CD34: variants seen among roughly 807,000 people sequenced by gnomAD.
CD34 encodes the protein hematopoietic progenitor cell antigen CD34.
A neutral mutation model predicts 40.1 loss-of-function variants in CD34; 34 were observed. That is an observed-to-expected ratio of 0.85 (90% confidence interval 0.65 to 1.13). CD34 has a LOEUF of 1.13. Among genes scored for constraint, CD34 ranks in the 50% most tolerant of loss-of-function variants. The pLI is 0.00. For synonymous variants in CD34, 209 were observed against 190.0 expected, an observed-to-expected ratio of 1.10 and a Z score of -0.82; for missense variants, 426 against 466.9, an observed-to-expected ratio of 0.91 and a Z score of 0.81.
At position 207,881,752 on chromosome 1, in the gene CD34, C is replaced by A. The variant is rs952400388; in HGVS notation, c.*5986G>T. ...AGTCTAAAACAATGACACTCTTTTTCCTAATTGTTTTTGTTTTGGAAAATA... is the reference window on the plus strand; with the variant it reads ...AGTCTAAAACAATGACACTCTTTTTACTAATTGTTTTTGTTTTGGAAAATA... On this transcript the variant is annotated 3_prime_UTR_variant, in exon 8 of 8. Transcript: ENST00000310833. 2.0e-5 allele frequency: 3 copies of A among 151,002 alleles called. No homozygotes were observed. Among genetic ancestry groups the A allele is most frequent in the African/African-American group, 7.3e-5 (3 of 41,104 alleles). The allele number at this position is 151,002 out of a possible 1,614,324, so 9.4% of individuals were successfully genotyped here. A position where few individuals can be genotyped will look rare whatever the true frequency, so the allele number is the denominator to read the frequency against.
At position 207,881,096 on chromosome 1, in the gene CD34, C is replaced by G. The variant is rs958430319; in HGVS notation, c.*6642G>C. ...AAGTCCTGTCTCTCATTTGCACTAG[C>G]CACATTACAAGTGCTCAGCAGCCAC... On this transcript the variant is annotated 3_prime_UTR_variant, in exon 8 of 8. Transcript: ENST00000310833. The G allele has an allele frequency of 5.3e-5, 8 of 152,272 alleles. 1 individual carries two copies. The highest frequency in any genetic ancestry group is 1.3e-4 in the Admixed American group (2 of 15,288). 9.4% of individuals were successfully genotyped at this position (152,272 alleles called of 1,614,324 possible). A position where few individuals can be genotyped will look rare whatever the true frequency, so the allele number is the denominator to read the frequency against.
chr1:207,897,669 G>T, intron 3 of CD34, 96 bp from the exon 4 acceptor site: 1 of 927,238 alleles, frequency 1.1e-6, no homozygotes, highest in Non-Finnish European at 1.7e-6. Context: ...TGCTTTCTGT[G>T]AGGTGCTCTC....
intron 3 of CD34, among the ~76,000 whole-genome samples, chr1:207,898,031 TTTTATTTA>T (rs60024563): frequency 0.31 from 44,535 of 143,312 alleles, 8,082 homozygotes; most frequent in Admixed American, 0.47. Context: ...ATTTTGGCTC[TTTTATTTA>T]TTTATTTATT....
intron 4 of CD34, chr1:207,890,118 T>C: frequency 8.6e-7 from 1 of 1,161,252 alleles, no homozygotes; most frequent in African/African-American, 1.6e-5. Context: ...CAAAGGAGTC[T>C]CAAAAAGTGC....
intron 4 of CD34, chr1:207,890,094 T>G: frequency 8.2e-7 from 1 of 1,216,500 alleles, no homozygotes; most frequent in Non-Finnish European, 1.0e-6. Flanking sequence ...AGTGGCCTCC[T>G]CCCTCTTTCT....
chr1:207,902,236 A>G (rs1341069532), intron 1 of CD34, among the ~76,000 whole-genome samples: 2 of 152,210 alleles, frequency 1.3e-5, no homozygotes, highest in African/African-American at 4.8e-5. Context: ...GCCCAAAAGG[A>G]AGGCCATAGT....
chr1:207,911,023 G>A lies in CD34; in HGVS notation c.58C>T (p.Leu20Phe). The A allele has an allele frequency of 6.3e-7, 1 of 1,592,492 alleles. No individual in the cohort carries two copies. Among genetic ancestry groups the A allele is most frequent in the South Asian group, 1.1e-5 (1 of 88,530 alleles). ...TCACGCAGCAAACTCAGCAAGCAAA[G>A]CGCGGTCCAGCCCCGCGGCATCCTG... ...GPRMPRGWTA[L>F]CLLSLLPSGF... Residue 20 changes from leucine (L) to phenylalanine (F), a missense_variant, in exon 1 of 8, where the codon CTT (leucine) becomes TTT (phenylalanine). Coordinates refer to ENST00000310833, the MANE Select transcript of CD34 (RefSeq NM_001025109.2).
intron 1 of CD34, 39 bp from the exon 2 acceptor site, chr1:207,900,042 T>A: frequency 6.6e-7 from 1 of 1,511,374 alleles, no homozygotes; most frequent in Non-Finnish European, 9.0e-7. Flanking sequence ...AACCTAAAGA[T>A]ATCAGCCTGG....
intron 1 of CD34, among the ~76,000 whole-genome samples, chr1:207,901,069 A>G (rs945998505): frequency 2.0e-5 from 3 of 148,326 alleles, no homozygotes; most frequent in Non-Finnish European, 4.4e-5. Context: ...CAGTGGTGAG[A>G]TCATAGCTCA....
chr1:207,909,483 G>A (rs1048377678), intron 1 of CD34, among the ~76,000 whole-genome samples: 2 of 151,802 alleles, frequency 1.3e-5, no homozygotes, highest in Non-Finnish European at 2.9e-5. Flanking sequence ...ATCTTGGCTC[G>A]CTGCAACCTC....
At chr1:207,893,456 A>T (rs1159417417) in intron 4 of CD34, among the ~76,000 whole-genome samples, 1 of 152,210 alleles carries the variant, frequency 6.6e-6, no homozygotes, top group Non-Finnish European at 1.5e-5. Flanking sequence ...ATTTTCACAT[A>T]GAAAATGGAA....
chr1:207,901,657 G>C (rs531212717), intron 1 of CD34, among the ~76,000 whole-genome samples: 1 of 152,236 alleles, frequency 6.6e-6, no homozygotes, highest in Non-Finnish European at 1.5e-5. Flanking sequence ...GGCCTTCCAG[G>C]TGATCACGAA....
In CD34 at chr1:207,889,610, C is replaced by T. The variant is rs1424127593; in HGVS notation, c.609G>A (p.Lys203=). The T allele has an allele frequency of 1.2e-6, 2 of 1,612,494 alleles. No homozygotes were observed. The highest frequency in any genetic ancestry group is 2.2e-5 in the South Asian group (2 of 90,776). ...QNKTSSCAEF[K]KDRGEGLARV... ...GGGCCAGGCCCTCTCCCCTGTCCTT[C>T]TTAAACTCCGCCTGGGAAGACAGAG... Residue 203 remains lysine, a synonymous_variant, in exon 5 of 8, where the codon AAG becomes AAA. Transcript: ENST00000310833.
intron 4 of CD34, among the ~76,000 whole-genome samples, chr1:207,892,006 C>G (rs1202152534): frequency 6.6e-6 from 1 of 152,076 alleles, no homozygotes; most frequent in East Asian, 1.9e-4. Context: ...GGAACTGAGG[C>G]CCCACCTCCA....
chr1:207,888,555 C>T, intron 7 of CD34, 127 bp downstream of exon 7: 2 of 892,338 alleles, frequency 2.2e-6, no homozygotes, highest in Admixed American at 2.1e-5. Context: ...TGCACACATG[C>T]ATATCTTTAT....
At chr1:207,895,916 T>C (rs551546746) in intron 4 of CD34, among the ~76,000 whole-genome samples, 1 of 152,326 alleles carries the variant, frequency 6.6e-6, no homozygotes, top group South Asian at 2.1e-4. Context: ...ACTTGTACAT[T>C]GTATGTTCAT....
intron 1 of CD34, among the ~76,000 whole-genome samples, chr1:207,902,723 G>A (rs915929825): frequency 2.0e-5 from 3 of 152,134 alleles, no homozygotes; most frequent in African/African-American, 7.2e-5. Flanking sequence ...CCCCTCCCCC[G>A]AAGGGCCTCC....
chr1:207,898,044 T>A (rs1366196936), intron 3 of CD34, among the ~76,000 whole-genome samples: 2 of 150,158 alleles, frequency 1.3e-5, no homozygotes, highest in African/African-American at 4.9e-5. Context: ...TATTTATTTA[T>A]TTATTTATTT....
chr1:207,898,623 A>G (rs2102301524), intron 3 of CD34, among the ~76,000 whole-genome samples: 1 of 152,316 alleles, frequency 6.6e-6, no homozygotes, highest in Admixed American at 6.5e-5. Flanking sequence ...CCCAGCAAAT[A>G]AGCAATAGTT....
Sources: gnomAD v4.1 joint callset for allele counts (sites outside exome capture counted in the v4.1 genomes callset) on GRCh38, gnomAD v4.1.1 for gene constraint, MANE v1.5 for transcripts, NCBI Gene and HGNC (gene_info 2026-07-23, HGNC 2026-07-21) for gene names.